XKR4: variants seen among roughly 807,000 people sequenced by gnomAD.
XKR4 encodes the protein XK related 4.
Under a neutral mutation model 53.9 loss-of-function variants are expected in XKR4, and 12 were observed. The observed-to-expected ratio is 0.22, with a 90% CI of 0.14 to 0.36. XKR4 has a LOEUF of 0.36. Ranked by LOEUF, XKR4 falls within the 10% of genes least tolerant of loss-of-function variation. The pLI, the probability that XKR4 is intolerant of heterozygous loss-of-function variation, is 1.00. For missense variants in XKR4, 799 were observed against 859.5 expected (o/e 0.93, Z 0.88); for synonymous variants, 354 against 362.4 (o/e 0.98, Z 0.26).
At chr8:55,435,115 T>C (rs1805155695) in intron 2 of XKR4, among the ~76,000 whole-genome samples, 1 of 152,224 alleles carries the variant, frequency 6.6e-6, no homozygotes, top group Non-Finnish European at 1.5e-5. Context: ...CCCACTTGTC[T>C]ACCAGATTGT....
chr8:55,395,422 T>C (rs1246667326), intron 2 of XKR4, among the ~76,000 whole-genome samples: 1 of 151,782 alleles, frequency 6.6e-6, no homozygotes, highest in African/African-American at 2.4e-5. Flanking sequence ...GAGGAATTGA[T>C]TGAGAAATCA....
chr8:55,258,333 C>A (rs1818469865), intron 1 of XKR4, among the ~76,000 whole-genome samples: 1 of 152,174 alleles, frequency 6.6e-6, no homozygotes, highest in Admixed American at 6.5e-5. Flanking sequence ...TAGGCCTGCA[C>A]ATGGATCACA....
chr8:55,481,425 C>T (rs1453871376), intron 2 of XKR4, among the ~76,000 whole-genome samples: 1 of 151,870 alleles, frequency 6.6e-6, no homozygotes, highest in Non-Finnish European at 1.5e-5. Context: ...ACATGTTAGA[C>T]CTAAAACCAT....
chr8:55,415,743 T>C (rs1052900845), intron 2 of XKR4, among the ~76,000 whole-genome samples: 2 of 152,270 alleles, frequency 1.3e-5, no homozygotes, highest in East Asian at 1.9e-4. Flanking sequence ...GGGTGAAAAA[T>C]ACATAGATTA....
intron 2 of XKR4, among the ~76,000 whole-genome samples, chr8:55,463,360 T>A (rs1805694820): frequency 6.6e-6 from 1 of 151,774 alleles, no homozygotes; most frequent in Non-Finnish European, 1.5e-5. Flanking sequence ...CTGAACAACC[T>A]GCTCCTGAAT....
At chr8:55,456,509 A>G (rs1315791215) in intron 2 of XKR4, among the ~76,000 whole-genome samples, 1 of 152,250 alleles carries the variant, frequency 6.6e-6, no homozygotes, top group Non-Finnish European at 1.5e-5. Context: ...TATATGTGGC[A>G]AACAAATAAT....
Position 55,342,340 on chromosome 8 carries a change from C to T in XKR4, c.807-15338C>T, listed in dbSNP as rs939004003. On this transcript the variant is annotated intron_variant, in intron 1 of 2. Transcript: ENST00000327381. Reference sequence around the variant, plus strand: ...AGGTCCTAACAACCATCATCACTTGCCAGGTTATTGCAACAGCCTGCCTCT... The same window carrying T: ...AGGTCCTAACAACCATCATCACTTGTCAGGTTATTGCAACAGCCTGCCTCT... Among the ~76,000 whole-genome samples, 204 of 152,290 alleles carry T rather than the reference C, an allele frequency of 1.3e-3. 1 individual carries two copies. Among genetic ancestry groups the T allele is most frequent in the African/African-American group, 4.6e-3 (191 of 41,554 alleles).
chr8:55,169,102 C>G (rs191039327), intron 1 of XKR4, among the ~76,000 whole-genome samples: 188 of 152,300 alleles, frequency 1.2e-3, no homozygotes, highest in African/African-American at 4.2e-3. Context: ...GGTAAGCAAT[C>G]AGGTTTTTAA....
Position 55,523,450 on chromosome 8 carries a change from C to T in XKR4, c.1176C>T (p.Leu392=). Residue 392 remains leucine (L), a synonymous_variant, in exon 3 of 3, where the codon CTC becomes CTT. Coordinates refer to ENST00000327381, the MANE Select transcript of XKR4 (RefSeq NM_052898.2). ...TIAARVITFA[L]FASVFQLYFG... ...CCGCCAGGGTCATCACGTTTGCCCT[C>T]TTTGCCTCGGTTTTCCAGCTGTACT... 1 of 1,614,224 alleles carries T rather than the reference C, an allele frequency of 6.2e-7. No individual in the cohort carries two copies. Among genetic ancestry groups the T allele is most frequent in the Non-Finnish European group, 8.5e-7 (1 of 1,180,038 alleles).
intron 1 of XKR4, chr8:55,142,324 C>T (rs994985032): frequency 8.1e-6 from 3 of 369,902 alleles, no homozygotes; most frequent in Admixed American, 3.3e-5. Context: ...AGAGTACTGG[C>T]TGCCTGCCCT....
At chr8:55,316,424 A>C (rs1819476254) in intron 1 of XKR4, among the ~76,000 whole-genome samples, 3 of 152,210 alleles carry the variant, frequency 2.0e-5, no homozygotes, top group African/African-American at 7.2e-5. Context: ...TCAGGATTAA[A>C]GTCATGAGTT....
At chr8:55,312,777 A>C (rs1586004939) in intron 1 of XKR4, among the ~76,000 whole-genome samples, 2 of 152,262 alleles carry the variant, frequency 1.3e-5, no homozygotes, top group Non-Finnish European at 2.9e-5. Flanking sequence ...TTTTTCTCAT[A>C]AAACTGTCTC....
At chr8:55,168,750 C>G (rs1817106164) in intron 1 of XKR4, among the ~76,000 whole-genome samples, 1 of 152,176 alleles carries the variant, frequency 6.6e-6, no homozygotes, top group South Asian at 2.1e-4. Flanking sequence ...TGCTCAGCTT[C>G]TCCTTGCTGG....
At chr8:55,512,225 T>A (rs1806637549) in intron 2 of XKR4, among the ~76,000 whole-genome samples, 1 of 152,236 alleles carries the variant, frequency 6.6e-6, no homozygotes, top group African/African-American at 2.4e-5. Context: ...CTCCCGCCTC[T>A]GTCTGGAGGG....
At chr8:55,181,038 G>C (rs1817303352) in intron 1 of XKR4, among the ~76,000 whole-genome samples, 1 of 152,112 alleles carries the variant, frequency 6.6e-6, no homozygotes, top group South Asian at 2.1e-4. Flanking sequence ...ATTAAAGTTA[G>C]ACTTAAAGTC....
chr8:55,373,527 G>A (rs1181406547), intron 2 of XKR4, among the ~76,000 whole-genome samples: 1 of 152,078 alleles, frequency 6.6e-6, no homozygotes, highest in Non-Finnish European at 1.5e-5. Context: ...TGGGCAATTT[G>A]ATGGGGCATG....
chr8:55,454,535 C>T (rs768069734), intron 2 of XKR4: 232 of 1,395,910 alleles, frequency 1.7e-4, no homozygotes, highest in Middle Eastern at 1.1e-3. Context: ...GAGCAGGCCA[C>T]GCTGCAGCTG....
chr8:55,333,435 C>T (rs909262935), intron 1 of XKR4, among the ~76,000 whole-genome samples: 2 of 152,124 alleles, frequency 1.3e-5, no homozygotes, highest in African/African-American at 4.8e-5. Context: ...CTTTTCTGGG[C>T]ATGCCTCTAC....
At chr8:55,406,426 A>C (rs545231517) in intron 2 of XKR4, among the ~76,000 whole-genome samples, 1 of 152,326 alleles carries the variant, frequency 6.6e-6, no homozygotes, top group East Asian at 1.9e-4. Context: ...ATCTCATTGC[A>C]CAGATGAGTC....
Sources: gnomAD v4.1 joint callset for allele counts (sites outside exome capture counted in the v4.1 genomes callset) on GRCh38, gnomAD v4.1.1 for gene constraint, MANE v1.5 for transcripts, NCBI Gene and HGNC (gene_info 2026-07-23, HGNC 2026-07-21) for gene names.